The following PDGFD variants were observed in gnomAD, a reference collection of about 807,000 sequenced individuals.
PDGFD encodes platelet derived growth factor D.
A neutral mutation model predicts 44.7 loss-of-function variants in PDGFD; 30 were observed. The observed-to-expected ratio is 0.67, with a 90% CI of 0.50 to 0.91. PDGFD has a LOEUF of 0.91. Ranked by LOEUF, PDGFD falls within the 40% of genes least tolerant of loss-of-function variation. The pLI is 0.00. For missense variants in PDGFD, 445 were observed against 457.8 expected (o/e 0.97, Z 0.25); for synonymous variants, 173 against 168.4 (o/e 1.03, Z -0.21).
chr11:104,153,587 C>A (rs1425714418), intron 1 of PDGFD, among the ~76,000 whole-genome samples: 7 of 152,002 alleles, frequency 4.6e-5, no homozygotes, highest in African/African-American at 1.7e-4. Context: ...CTCAACAGTT[C>A]ATTCAAAAAC....
chr11:104,066,542 C>G (rs552783172), intron 1 of PDGFD, among the ~76,000 whole-genome samples: 30 of 152,134 alleles, frequency 2.0e-4, no homozygotes, highest in Admixed American at 2.0e-3. Flanking sequence ...TCCTTTTATA[C>G]AGTAGGGAAT....
rs1485068344 is a variant in PDGFD, at chr11:103,910,289, T to G, written c.988-470A>C. 2.0e-5 allele frequency among the ~76,000 whole-genome samples: 3 copies of G among 152,204 alleles called. No homozygotes were observed. In the East Asian group the frequency reaches 5.8e-4, roughly 29 times the overall value. Reference sequence around the variant, plus strand: ...AATCTTTGGTTGAAGTAAAACATGTTGCCCTGGAGTTGCTGGCAAGATGGC... The same window carrying G: ...AATCTTTGGTTGAAGTAAAACATGTGGCCCTGGAGTTGCTGGCAAGATGGC... On this transcript the variant is annotated intron_variant, in intron 6 of 6. Transcript: ENST00000393158.
Position 104,153,073 on chromosome 11 carries a change from T to A in PDGFD, c.124+10731A>T, listed in dbSNP as rs563749622. Among the ~76,000 whole-genome samples the A allele has an allele frequency of 2.0e-5, 3 of 150,464 alleles. 1 individual carries two copies. Among genetic ancestry groups the A allele is most frequent in the African/African-American group, 7.5e-5 (3 of 39,874 alleles). Reference sequence around the variant, plus strand: ...CACAAGCTCCTAAAGCTTAAAGTGTTCACAAATTAAGTTTCTATCTTTATG... The same window carrying A: ...CACAAGCTCCTAAAGCTTAAAGTGTACACAAATTAAGTTTCTATCTTTATG... On this transcript the variant is annotated intron_variant, in intron 1 of 6. Transcript: ENST00000393158.
At chr11:104,037,030 G>A (rs755145908) in intron 1 of PDGFD, 4 of 1,614,224 alleles carry the variant, frequency 2.5e-6, no homozygotes, top group African/African-American at 1.3e-5. Flanking sequence ...CAAAGATGGC[G>A]ATATCGTGGT....
intron 6 of PDGFD, among the ~76,000 whole-genome samples, chr11:103,924,757 A>G (rs1858278124): frequency 6.6e-6 from 1 of 152,228 alleles, no homozygotes; most frequent in Non-Finnish European, 1.5e-5. Context: ...ACAGTTTTAC[A>G]AAGCTGGAGA....
At chr11:104,146,619 A>C (rs1193031107) in intron 1 of PDGFD, among the ~76,000 whole-genome samples, 1 of 152,178 alleles carries the variant, frequency 6.6e-6, no homozygotes, top group African/African-American at 2.4e-5. Flanking sequence ...AAAATTAGGC[A>C]ACAGGACCTT....
rs771409365 is a variant in PDGFD, at chr11:103,943,581, C to T, written c.643G>A (p.Ala215Thr). 1.2e-6 allele frequency: 2 copies of T among 1,613,292 alleles called. No homozygotes were observed. Among genetic ancestry groups the T allele is most frequent in the Admixed American group, 3.3e-5 (2 of 59,864 alleles). The stretch of plus-strand genomic sequence containing the variant: ...AGATCTTCCACTGTATCAAATTCTG[C>T]AATTTTTTTGTCCAGAGCATCCGCA... ...LIADALDKKI[A>T]EFDTVEDLLK... is the part of the protein sequence containing the mutation. Residue 215 changes from alanine (A) to threonine (T), a missense_variant, in exon 5 of 7, where the codon GCA becomes ACA. Physicochemically the swap from Ala to Thr is moderately conservative, Grantham distance 58 (BLOSUM62 0). Transcript: ENST00000393158.
At chr11:103,934,551 T>C (rs556630778) in intron 5 of PDGFD, among the ~76,000 whole-genome samples, 1 of 152,194 alleles carries the variant, frequency 6.6e-6, no homozygotes, top group Admixed American at 6.5e-5. Flanking sequence ...AGAAAAGAGG[T>C]TTAATGGCCT....
intron 1 of PDGFD, among the ~76,000 whole-genome samples, chr11:104,132,919 C>T (rs667801): frequency 0.64 from 96,989 of 151,862 alleles, 31,332 homozygotes; most frequent in East Asian, 0.75. Flanking sequence ...GGTTATGCTG[C>T]AGTAACAAAA....
intron 4 of PDGFD, among the ~76,000 whole-genome samples, chr11:103,945,225 C>A (rs1858651541): frequency 6.6e-6 from 1 of 152,084 alleles, no homozygotes; most frequent in Non-Finnish European, 1.5e-5. Flanking sequence ...CATCTGGGTG[C>A]AGCCATATTT....
intron 1 of PDGFD, among the ~76,000 whole-genome samples, chr11:104,053,817 G>A (rs772203891): frequency 7.2e-5 from 11 of 152,264 alleles, no homozygotes; most frequent in South Asian, 2.1e-4. Context: ...TATAAAATTG[G>A]ATGGAACAAT....
intron 1 of PDGFD, among the ~76,000 whole-genome samples, chr11:104,145,668 T>C (rs1459086408): frequency 6.6e-6 from 1 of 152,218 alleles, no homozygotes; most frequent in East Asian, 1.9e-4. Context: ...TTTCATTCTT[T>C]GTGAAATAGT....
intron 3 of PDGFD, among the ~76,000 whole-genome samples, chr11:103,958,604 A>G (rs73614266): frequency 0.19 from 28,182 of 152,134 alleles, 4,087 homozygotes; most frequent in African/African-American, 0.41. Flanking sequence ...CCTGGTACAT[A>G]GTAAGCACTC....
chr11:104,044,835 G>C (rs1860414661), intron 1 of PDGFD, among the ~76,000 whole-genome samples: 1 of 152,120 alleles, frequency 6.6e-6, no homozygotes, highest in Non-Finnish European at 1.5e-5. Context: ...TCAGAAGATG[G>C]AGACCATCCT....
intron 1 of PDGFD, among the ~76,000 whole-genome samples, chr11:104,123,281 C>CT (rs1240660578): frequency 2.0e-5 from 3 of 152,036 alleles, no homozygotes; most frequent in Non-Finnish European, 4.4e-5. Flanking sequence ...CAGGAAGCTG[C>CT]TTTTAAACAA....
rs561567979 is a variant in PDGFD at position 104,050,233 on chromosome 11, G to A, written c.125-49978C>T. Reference sequence around the variant, plus strand: ...TACTTGTAATAGGAAGGAAGACAGCGCACGTGGGTGTAAATGCAGGTACAC... The same window carrying A: ...TACTTGTAATAGGAAGGAAGACAGCACACGTGGGTGTAAATGCAGGTACAC... On this transcript the variant is annotated intron_variant, in intron 1 of 6. Coordinates refer to ENST00000393158, the MANE Select transcript of PDGFD (RefSeq NM_025208.5). Among the ~76,000 whole-genome samples, 466 of 152,228 alleles carry A rather than the reference G, an allele frequency of 3.1e-3. 1 individual carries two copies. The highest frequency in any genetic ancestry group is 8.8e-3 in the African/African-American group (366 of 41,546).
intron 1 of PDGFD, among the ~76,000 whole-genome samples, chr11:104,009,882 T>C (rs1373130313): frequency 6.6e-6 from 1 of 152,120 alleles, no homozygotes; most frequent in Non-Finnish European, 1.5e-5. Context: ...AAGCTTGCAA[T>C]CAATGAGCTG....
intron 4 of PDGFD, among the ~76,000 whole-genome samples, chr11:103,947,308 A>G (rs1719260406): frequency 6.6e-6 from 1 of 152,228 alleles, no homozygotes; most frequent in Non-Finnish European, 1.5e-5. Context: ...TTCGAAAGCT[A>G]TTTTGAAATT....
At chr11:103,954,854 GTT>G (rs1858812924) in intron 3 of PDGFD, among the ~76,000 whole-genome samples, 1 of 152,042 alleles carries the variant, frequency 6.6e-6, no homozygotes, top group Non-Finnish European at 1.5e-5. Context: ...AGACAAAGGG[GTT>G]TGTTAAGATT....
Sources: allele counts gnomAD v4.1 joint callset (sites outside exome capture counted in the v4.1 genomes callset), GRCh38; gene constraint gnomAD v4.1.1; transcripts MANE v1.5; gene names NCBI Gene and HGNC (gene_info 2026-07-23, HGNC 2026-07-21).